HEATR4: variants seen among roughly 807,000 people sequenced by gnomAD.
HEATR4 encodes the protein HEAT repeat containing 4.
In HEATR4, 95 loss-of-function variants were observed where a neutral mutation model predicts 108.8. The ratio of observed to expected loss-of-function variants is 0.87; its 90% confidence interval spans 0.74 to 1.04. The LOEUF (loss-of-function observed/expected upper bound fraction) is 1.04. Ranked by LOEUF, HEATR4 falls within the 50% of genes least tolerant of loss-of-function variation. The pLI is 0.00. For synonymous variants in HEATR4, 443 were observed against 459.4 expected (o/e 0.96, Z 0.46); for missense variants, 1,152 against 1,253.8 (o/e 0.92, Z 1.23).
In HEATR4 at chr14:73,514,058, T is replaced by G; in HGVS notation, c.1387A>C (p.Lys463Gln). 2 of 1,614,160 alleles carry G rather than the reference T, an allele frequency of 1.2e-6. No homozygotes were observed. The highest frequency in any genetic ancestry group is 1.7e-6 in the Non-Finnish European group (2 of 1,180,024). ...AGAGCCCAGGCAGTCTTCCATTCCT[T>G]CAGCATCCTCCGCAGGACCACCAGT... ...WELVVLRRML[K>Q]EWKTAWALII... Residue 463 changes from lysine (K) to glutamine (Q), a missense_variant, in exon 6 of 18, where the codon AAG becomes CAG. Transcript: ENST00000553558.
chr14:73,545,036 A>C (rs1889210930), intron 1 of HEATR4, among the ~76,000 whole-genome samples: 1 of 114,018 alleles, frequency 8.8e-6, no homozygotes, highest in Non-Finnish European at 1.9e-5. Context: ...AGAAAAAAAA[A>C]ACCTTAATTT....
At chr14:73,510,582 C>T (rs1233234488) in intron 7 of HEATR4, among the ~76,000 whole-genome samples, 1 of 152,024 alleles carries the variant, frequency 6.6e-6, no homozygotes, top group Non-Finnish European at 1.5e-5. Context: ...ACTACAGGCA[C>T]CTGTCACCAC....
chr14:73,595,298 A>C, the HEATR4 span: 1 of 1,614,224 alleles, frequency 6.2e-7, no homozygotes, highest in Non-Finnish European at 8.5e-7. Context: ...AGGAGGGTAC[A>C]AGAACCCCAG....
At chr14:73,560,703 C>G (rs1163147552), upstream of HEATR4, among the ~76,000 whole-genome samples, 1 of 149,122 alleles carries the variant, frequency 6.7e-6, no homozygotes, top group Non-Finnish European at 1.5e-5. Flanking sequence ...AAAAATTAAA[C>G]ATTATAACCC....
chr14:73,605,970 G>A, the HEATR4 span, among the ~76,000 whole-genome samples: 3 of 152,112 alleles, frequency 2.0e-5, no homozygotes, highest in East Asian at 1.9e-4. Flanking sequence ...GCATCACCCA[G>A]ATCGATTAAC....
At chr14:73,572,818 G>C in the HEATR4 span, among the ~76,000 whole-genome samples, 3 of 149,272 alleles carry the variant, frequency 2.0e-5, no homozygotes, top group African/African-American at 7.5e-5. Context: ...GCTAATTTTT[G>C]TATTTTTAGT....
intron 6 of HEATR4, among the ~76,000 whole-genome samples, chr14:73,512,963 C>G (rs1402381059): frequency 6.6e-6 from 1 of 152,160 alleles, no homozygotes; most frequent in Non-Finnish European, 1.5e-5. Context: ...CCTTGCCAGG[C>G]CATTACTTTG....
intron 17 of HEATR4, 59 bp from the exon 18 acceptor site, chr14:73,478,901 G>T: frequency 7.4e-7 from 1 of 1,349,420 alleles, no homozygotes; most frequent in South Asian, 1.3e-5. Flanking sequence ...GTGAGCGGCA[G>T]AGCCCAAGTG....
intron 17 of HEATR4, chr14:73,491,005 G>A (rs764559814): frequency 3.5e-6 from 5 of 1,411,022 alleles, no homozygotes. Context: ...GGGAAGACTG[G>A]TGTGGTCTGG....
chr14:73,606,146 C>T, the HEATR4 span, among the ~76,000 whole-genome samples: 11 of 152,180 alleles, frequency 7.2e-5, no homozygotes, highest in African/African-American at 2.6e-4. Context: ...TCCCTGACGT[C>T]GGGAGTTCAA....
chr14:73,591,904 A>G, the HEATR4 span: 2 of 1,321,902 alleles, frequency 1.5e-6, no homozygotes, highest in Admixed American at 4.2e-5. Context: ...CGCGCTTGCC[A>G]CGATCTTGGA....
chr14:73,523,115 TG>T lies in HEATR4; in HGVS notation c.37del (p.His13IlefsTer15), dbSNP rs780229071. The T allele has an allele frequency of 1.2e-6, 2 of 1,607,342 alleles. No individual in the cohort carries two copies. Among genetic ancestry groups the T allele is most frequent in the Non-Finnish European group, 1.7e-6 (2 of 1,179,820 alleles). On this transcript the variant is annotated frameshift_variant, in exon 3 of 18. Coordinates refer to ENST00000553558, the MANE Select transcript of HEATR4 (RefSeq NM_001220484.1). LOFTEE classifies it high-confidence loss of function. ...TGGGGGCAGTGACTGATAGAAGCAATGGGGGAGAAAGGTCTTTCCCTTCTGG... is the reference window on the plus strand; with the variant it reads ...TGGGGGCAGTGACTGATAGAAGCAATGGGGAGAAAGGTCTTTCCCTTCTGG... ...RTQKGKTFLPHCFYQSLPPRL... is the reference protein window; with the variant it reads ...RTQKGKTFLPXCFYQSLPPRL...
At chr14:73,602,350 G>A in the HEATR4 span, among the ~76,000 whole-genome samples, 4 of 152,274 alleles carry the variant, frequency 2.6e-5, no homozygotes, top group East Asian at 1.9e-4. Context: ...GGGCAAACTC[G>A]CTTCTGTGCC....
the HEATR4 span, among the ~76,000 whole-genome samples, chr14:73,566,597 C>T: frequency 1.2e-4 from 18 of 151,860 alleles, no homozygotes; most frequent in South Asian, 4.1e-4. Flanking sequence ...CCTCATTGCC[C>T]GGGGCTGGCA....
intron 5 of HEATR4, among the ~76,000 whole-genome samples, chr14:73,516,750 C>T (rs1734240904): frequency 6.6e-6 from 1 of 152,160 alleles, no homozygotes; most frequent in South Asian, 2.1e-4. Flanking sequence ...TGCCTCCTGT[C>T]AGATCAGCAG....
At chr14:73,496,419 C>T (rs1193855928) in intron 15 of HEATR4, among the ~76,000 whole-genome samples, 182 bp downstream of exon 15, 1 of 152,098 alleles carries the variant, frequency 6.6e-6, no homozygotes, top group Non-Finnish European at 1.5e-5. Context: ...CTAGTAGGAC[C>T]TTGTAACCCA....
In HEATR4 at chr14:73,508,187, C is replaced by T. The variant is rs367837696; in HGVS notation, c.1828G>A (p.Glu610Lys). 2 of 1,614,098 alleles carry T rather than the reference C, an allele frequency of 1.2e-6. No homozygotes were observed. Among genetic ancestry groups the T allele is most frequent in the African/African-American group, 1.3e-5 (1 of 75,030 alleles). Residue 610 changes from glutamate to lysine, a missense_variant, in exon 9 of 18, where the codon GAG (glutamate) becomes AAG (lysine). Physicochemically the swap from Glu to Lys is moderately conservative, Grantham distance 56 (BLOSUM62 1). Transcript: ENST00000553558. ...ATATAAGACTGTTCCTCAGTGTCCT[C>T]ATTCTTCTTTGTAAACAGCTGGTGG... ...ILHQLFTKKNEDTEEQSYILL... is the reference protein window; with the variant it reads ...ILHQLFTKKNKDTEEQSYILL...
At chr14:73,485,463 C>A (rs920389555) in intron 17 of HEATR4, among the ~76,000 whole-genome samples, 54 of 149,076 alleles carry the variant, frequency 3.6e-4, no homozygotes, top group Non-Finnish European at 7.1e-4. Context: ...AGTGCAGTGG[C>A]GCCATCTCAG....
chr14:73,478,542 T>G lies in HEATR4; in HGVS notation c.*64A>C, dbSNP rs1250812848. ...GACAACAAGATTGTACAGTATCAATTAAAAAGACCCAATGTGACCAGGTCC... is the reference window on the plus strand; with the variant it reads ...GACAACAAGATTGTACAGTATCAATGAAAAAGACCCAATGTGACCAGGTCC... On this transcript the variant is annotated 3_prime_UTR_variant, in exon 18 of 18. Coordinates refer to ENST00000553558, the MANE Select transcript of HEATR4 (RefSeq NM_001220484.1). 11 of 1,066,054 alleles carry G rather than the reference T, an allele frequency of 1.0e-5. No individual in the cohort carries two copies. The Admixed American group carries it at 2.0e-4, about 20-fold the overall frequency. 66.0% of individuals were successfully genotyped at this position (1,066,054 alleles called of 1,614,324 possible).
Sources: allele counts gnomAD v4.1 joint callset (sites outside exome capture counted in the v4.1 genomes callset), GRCh38; gene constraint gnomAD v4.1.1; transcripts MANE v1.5; gene names NCBI Gene and HGNC (gene_info 2026-07-23, HGNC 2026-07-21).